The following TAFA2 variants were observed in gnomAD, a reference collection of about 807,000 sequenced individuals.
TAFA2 encodes the protein chemokine-like protein TAFA-2.
Under a neutral mutation model 18.8 loss-of-function variants are expected in TAFA2, and 7 were observed. That is an observed-to-expected ratio of 0.37 (90% CI 0.21 to 0.70). The LOEUF is 0.70. TAFA2 is among the 30% of genes least tolerant of loss of function. The probability of loss-of-function intolerance (pLI) is 0.53; values close to 1 mark genes in which losing one functional copy is unlikely to be tolerated. For synonymous variants in TAFA2, 60 were observed against 54.2 expected (o/e 1.11, Z -0.47); for missense variants, 122 against 158.1 (o/e 0.77, Z 1.23).
intron 1 of TAFA2, among the ~76,000 whole-genome samples, chr12:62,059,012 A>G (rs1450734259): frequency 4.6e-5 from 7 of 152,258 alleles, no homozygotes; most frequent in African/African-American, 1.7e-4. Flanking sequence ...CTGAGGCAGG[A>G]GAATGGCGGG....
rs1218148644 is a variant in TAFA2 at position 61,826,815 on chromosome 12, C to A, written c.106+40505G>T. ...TTAGAGCTACTATTAACATTTTGTA[C>A]TTTTTTCTTGGGTTTTATGATATAT... On this transcript the variant is annotated intron_variant, in intron 2 of 4. Coordinates refer to ENST00000416284, the MANE Select transcript of TAFA2 (RefSeq NM_178539.5). Among the ~76,000 whole-genome samples the A allele has an allele frequency of 2.6e-5, 4 of 151,684 alleles. No homozygotes were observed. In the East Asian group the frequency reaches 7.7e-4, roughly 29 times the overall value.
At chr12:62,255,651 G>A (rs1450727023) in intron 1 of TAFA2, among the ~76,000 whole-genome samples, 1 of 151,948 alleles carries the variant, frequency 6.6e-6, no homozygotes, top group African/African-American at 2.4e-5. Flanking sequence ...TCAGGAGATC[G>A]AGACCAGCCT....
intron 4 of TAFA2, among the ~76,000 whole-genome samples, chr12:61,732,647 A>T (rs756812927): frequency 5.9e-5 from 9 of 151,784 alleles, no homozygotes; most frequent in Non-Finnish European, 1.2e-4. Flanking sequence ...ATAGTTAGCA[A>T]TGTTTTGGGG....
chr12:62,021,689 G>A, intron 1 of TAFA2: 1 of 1,470,644 alleles, frequency 6.8e-7, no homozygotes, highest in Non-Finnish European at 9.5e-7. Context: ...GGTCAGGCAG[G>A]GGCTTCTTAG....
intron 1 of TAFA2, among the ~76,000 whole-genome samples, chr12:61,902,308 G>A (rs972236499): frequency 3.3e-5 from 5 of 152,060 alleles, no homozygotes; most frequent in Non-Finnish European, 7.4e-5. Context: ...ATGTCAATAC[G>A]TGACTTCTTT....
chr12:61,853,997 A>G (rs1565657173), intron 2 of TAFA2, among the ~76,000 whole-genome samples: 1 of 152,290 alleles, frequency 6.6e-6, no homozygotes, highest in East Asian at 1.9e-4. Flanking sequence ...TAAATGTATT[A>G]ACACTAGTGG....
At chr12:62,153,705 T>G (rs1462738397) in intron 1 of TAFA2, among the ~76,000 whole-genome samples, 1 of 150,884 alleles carries the variant, frequency 6.6e-6, no homozygotes, top group Non-Finnish European at 1.5e-5. Flanking sequence ...GTGCTATAAA[T>G]AAAGCAATGT....
intron 2 of TAFA2, among the ~76,000 whole-genome samples, chr12:61,790,970 C>G (rs549794794): frequency 6.6e-6 from 1 of 151,838 alleles, no homozygotes; most frequent in East Asian, 1.9e-4. Flanking sequence ...TACAACAACA[C>G]GATAGTAGCC....
intron 1 of TAFA2, among the ~76,000 whole-genome samples, chr12:62,006,479 A>G (rs1880554435): frequency 6.6e-6 from 1 of 152,174 alleles, no homozygotes; most frequent in Non-Finnish European, 1.5e-5. Flanking sequence ...TATATATAAT[A>G]TCATATACAC....
At chr12:61,923,220 G>T (rs1877133905) in intron 1 of TAFA2, among the ~76,000 whole-genome samples, 2 of 152,322 alleles carry the variant, frequency 1.3e-5, no homozygotes, top group Non-Finnish European at 2.9e-5. Context: ...AGATCTCCCA[G>T]CACAAAGCTG....
chr12:61,720,601 C>G (rs1565749063), intron 4 of TAFA2: 3 of 233,066 alleles, frequency 1.3e-5, no homozygotes, highest in Non-Finnish European at 2.6e-5. Context: ...TTCATTGTCC[C>G]CTCTGAAATC....
chr12:61,831,890 C>T (rs1469465020), intron 2 of TAFA2, among the ~76,000 whole-genome samples: 1 of 151,924 alleles, frequency 6.6e-6, no homozygotes, highest in Admixed American at 6.6e-5. Flanking sequence ...GTGATGATCC[C>T]CTTTGGAAAT....
upstream of TAFA2, among the ~76,000 whole-genome samples, chr12:62,196,407 T>C (rs2062649312): frequency 6.6e-6 from 1 of 152,250 alleles, no homozygotes; most frequent in South Asian, 2.1e-4. Context: ...GGCCTAGTTC[T>C]CAGCTTTTGA....
intron 2 of TAFA2, among the ~76,000 whole-genome samples, chr12:61,757,065 T>C (rs1869307482): frequency 1.3e-5 from 2 of 152,020 alleles, no homozygotes; most frequent in African/African-American, 4.8e-5. Context: ...TGGGAAATCT[T>C]TGGGTAGAAA....
At chr12:62,181,297 A>G (rs2062550696) in intron 1 of TAFA2, among the ~76,000 whole-genome samples, 1 of 152,212 alleles carries the variant, frequency 6.6e-6, no homozygotes, top group East Asian at 1.9e-4. Context: ...TACTGATCCC[A>G]TCTTCCCATT....
rs189404391 is a variant in TAFA2, at chr12:62,122,958, C to G, written c.-2+68301G>C. On this transcript the variant is annotated intron_variant, in intron 1 of 4. Transcript: ENST00000416284. ...AACCCTCTTCTCTCATCTCAACATG[C>G]ATAAAACCAGTCATCATCTAGCTCA... Among the ~76,000 whole-genome samples the G allele has an allele frequency of 2.1e-3, 314 of 152,286 alleles. 1 individual carries two copies. Among genetic ancestry groups the G allele is most frequent in the Middle Eastern group, 0.014 (4 of 294 alleles).
At chr12:61,908,810 G>T (rs1876478637) in intron 1 of TAFA2, among the ~76,000 whole-genome samples, 1 of 152,146 alleles carries the variant, frequency 6.6e-6, no homozygotes, top group Non-Finnish European at 1.5e-5. Flanking sequence ...ATCTAAGAAT[G>T]ACAGGAGAAC....
At chr12:61,842,495 A>G (rs185764828) in intron 2 of TAFA2, among the ~76,000 whole-genome samples, 208 of 152,202 alleles carry the variant, frequency 1.4e-3, no homozygotes, top group Non-Finnish European at 2.7e-3. Flanking sequence ...GAGAATAAGA[A>G]GCAAAGTTAA....
chr12:62,232,727 G>A (rs2062817299), intron 1 of TAFA2, among the ~76,000 whole-genome samples: 1 of 151,984 alleles, frequency 6.6e-6, no homozygotes, highest in Admixed American at 6.6e-5. Flanking sequence ...GGCCAGGCTG[G>A]TCTTGAACTC....
Sources: allele counts gnomAD v4.1 joint callset (sites outside exome capture counted in the v4.1 genomes callset), GRCh38; gene constraint gnomAD v4.1.1; transcripts MANE v1.5; gene names NCBI Gene and HGNC (gene_info 2026-07-23, HGNC 2026-07-21).